Variants in COBL observed in about 807,000 individuals in gnomAD.
COBL encodes the protein cordon-bleu WH2 repeat protein, also known as protein cordon-bleu.
A neutral mutation model predicts 98.8 loss-of-function variants in COBL; 51 were observed. The ratio of observed to expected loss-of-function variants is 0.52; its 90% CI spans 0.41 to 0.65. The LOEUF is 0.65. COBL is among the 30% of genes least tolerant of loss of function. The pLI, the probability that COBL is intolerant of heterozygous loss-of-function variation, is 0.00. For synonymous variants in COBL, 634 were observed against 651.7 expected, an observed-to-expected ratio of 0.97 and a Z score of 0.41; for missense variants, 1,617 against 1,617.5, an observed-to-expected ratio of 1.00 and a Z score of 0.01.
intron 6 of COBL, among the ~76,000 whole-genome samples, chr7:51,135,460 C>T (rs1039960629): frequency 4.6e-5 from 7 of 152,018 alleles, no homozygotes; most frequent in African/African-American, 1.7e-4. Flanking sequence ...AATAGATGGA[C>T]AGACGGACAT....
chr7:51,024,410 C>T (rs1787291814), intron 12 of COBL, among the ~76,000 whole-genome samples: 1 of 152,182 alleles, frequency 6.6e-6, no homozygotes, highest in Non-Finnish European at 1.5e-5. Context: ...TAGGAATGGG[C>T]AGGGACGGAG....
At chr7:51,038,017 A>AT (rs774655175) in intron 8 of COBL, among the ~76,000 whole-genome samples, 3 of 151,984 alleles carry the variant, frequency 2.0e-5, no homozygotes, top group Non-Finnish European at 4.4e-5. Context: ...ACGCCTGGCT[A>AT]TTTTTTGTAA....
At chr7:51,292,449 C>T (rs949115529) in intron 1 of COBL, among the ~76,000 whole-genome samples, 8 of 152,314 alleles carry the variant, frequency 5.3e-5, no homozygotes, top group African/African-American at 1.9e-4. Context: ...CATTAAAAAA[C>T]GTCCATCAGA....
chr7:51,128,132 C>T (rs1484525539), intron 6 of COBL, among the ~76,000 whole-genome samples: 1 of 152,134 alleles, frequency 6.6e-6, no homozygotes, highest in Non-Finnish European at 1.5e-5. Flanking sequence ...TTTATTCATC[C>T]CATACAAAGT....
chr7:51,270,633 G>A (rs1021295117), intron 1 of COBL, among the ~76,000 whole-genome samples: 1 of 152,166 alleles, frequency 6.6e-6, no homozygotes, highest in Non-Finnish European at 1.5e-5. Context: ...ATGCTACCTT[G>A]AGACTGGACT....
intron 1 of COBL, among the ~76,000 whole-genome samples, chr7:51,228,361 A>AT (rs1041885245): frequency 2.0e-4 from 30 of 151,494 alleles, no homozygotes; most frequent in Admixed American, 2.6e-4. Context: ...GTAATTACAA[A>AT]TTTTTTTACT....
intron 1 of COBL, among the ~76,000 whole-genome samples, chr7:51,304,575 T>C (rs1403761394): frequency 2.0e-4 from 30 of 152,206 alleles, no homozygotes; most frequent in Admixed American, 1.8e-3. Flanking sequence ...AGAAAACAAA[T>C]GGTAGCAGTA....
intron 2 of COBL, among the ~76,000 whole-genome samples, chr7:51,213,309 C>T (rs1469042939): frequency 6.6e-6 from 1 of 152,206 alleles, no homozygotes; most frequent in East Asian, 1.9e-4. Flanking sequence ...TAAGCATTTC[C>T]CCCTGAGCTC....
chr7:51,186,131 G>A (rs914552831), intron 4 of COBL, among the ~76,000 whole-genome samples: 4 of 152,232 alleles, frequency 2.6e-5, no homozygotes, highest in Non-Finnish European at 5.9e-5. Flanking sequence ...GAGGAAAACA[G>A]AGCACACAGT....
intron 1 of COBL, among the ~76,000 whole-genome samples, chr7:51,284,129 C>CAA (rs71021763): frequency 2.2e-3 from 143 of 66,214 alleles, no homozygotes; most frequent in African/African-American, 3.3e-3. Context: ...ACCAAAAATA[C>CAA]AAAAAAAAAA....
chr7:51,313,422 T>C (rs939403227), intron 1 of COBL, among the ~76,000 whole-genome samples: 1 of 152,226 alleles, frequency 6.6e-6, no homozygotes, highest in Non-Finnish European at 1.5e-5. Context: ...TTGGTTCTAA[T>C]AACTTGATTA....
intron 6 of COBL, among the ~76,000 whole-genome samples, chr7:51,128,597 C>T (rs1798444596): frequency 1.3e-5 from 2 of 152,186 alleles, no homozygotes; most frequent in Admixed American, 1.3e-4. Flanking sequence ...GCCATTGCAC[C>T]CATTTACAGA....
intron 1 of COBL, among the ~76,000 whole-genome samples, chr7:51,289,780 A>C (rs1800715755): frequency 6.6e-6 from 1 of 152,264 alleles, no homozygotes; most frequent in Non-Finnish European, 1.5e-5. Context: ...CCTTTGAGGA[A>C]ACGCAACTTG....
At chr7:51,162,767 T>C (rs868320091) in intron 5 of COBL, among the ~76,000 whole-genome samples, 2 of 152,220 alleles carry the variant, frequency 1.3e-5, no homozygotes, top group Non-Finnish European at 2.9e-5. Flanking sequence ...TGGGCCAGAA[T>C]TGAAAGCTCG....
chr7:51,244,599 T>A (rs1796121105), intron 1 of COBL, among the ~76,000 whole-genome samples: 1 of 151,966 alleles, frequency 6.6e-6, no homozygotes, highest in South Asian at 2.1e-4. Flanking sequence ...CTACGGCCAC[T>A]CTCTCTCACC....
At chr7:51,299,114 C>T (rs1801675054) in intron 1 of COBL, among the ~76,000 whole-genome samples, 2 of 152,192 alleles carry the variant, frequency 1.3e-5, no homozygotes, top group Admixed American at 1.3e-4. Flanking sequence ...ACAGGCTGCA[C>T]AGCACACCTC....
At chr7:51,141,074 C>A (rs1159324720) in intron 5 of COBL, among the ~76,000 whole-genome samples, 4 of 151,748 alleles carry the variant, frequency 2.6e-5, no homozygotes, top group South Asian at 2.1e-4. Context: ...CAATACACTT[C>A]CAGGGACAAA....
chr7:51,065,298 G>A, intron 7 of COBL: 1 of 703,470 alleles, frequency 1.4e-6, no homozygotes, highest in Non-Finnish European at 2.6e-6. Flanking sequence ...GAAATGGGGA[G>A]GAGGAAGAGA....
chr7:51,245,074 T>C (rs1436588429), intron 1 of COBL, among the ~76,000 whole-genome samples: 1 of 152,122 alleles, frequency 6.6e-6, no homozygotes, highest in Non-Finnish European at 1.5e-5. Context: ...AATGTCCCAA[T>C]TTCCTCATAG....
Sources: allele counts gnomAD v4.1 joint callset (sites outside exome capture counted in the v4.1 genomes callset), GRCh38; gene constraint gnomAD v4.1.1; transcripts MANE v1.5; gene names NCBI Gene and HGNC (gene_info 2026-07-23, HGNC 2026-07-21).